The following IL19 variants were observed in gnomAD, a reference collection of about 807,000 sequenced individuals.
IL19 encodes interleukin 19.
Under a neutral mutation model 19.5 loss-of-function variants are expected in IL19, and 15 were observed. The observed-to-expected ratio is 0.77, with a 90% CI of 0.52 to 1.19. The LOEUF is 1.19. Ranked by LOEUF, IL19 falls within the 50% of genes most tolerant of loss-of-function variation. The pLI, the probability that IL19 is intolerant of heterozygous loss-of-function variation, is 0.00. For missense variants in IL19, 199 were observed against 213.1 expected (o/e 0.93, Z 0.41); for synonymous variants, 78 against 78.3 (o/e 1.00, Z 0.02).
At chr1:206,782,325 A>T (rs1382254885) in intron 1 of IL19, among the ~76,000 whole-genome samples, 1 of 152,100 alleles carries the variant, frequency 6.6e-6, no homozygotes, top group Non-Finnish European at 1.5e-5. Context: ...GTCTGTTGTA[A>T]TATGCCGTTT....
At chr1:206,780,949 G>A (rs1675115136) in intron 1 of IL19, among the ~76,000 whole-genome samples, 1 of 152,296 alleles carries the variant, frequency 6.6e-6, no homozygotes, top group Admixed American at 6.5e-5. Flanking sequence ...GGTACCTTAA[G>A]TTTAGGAATT....
chr1:206,808,680 A>G (rs1262660303), intron 2 of IL19, among the ~76,000 whole-genome samples: 3 of 152,172 alleles, frequency 2.0e-5, no homozygotes, highest in Non-Finnish European at 4.4e-5. Context: ...CACAGAGGGT[A>G]GTGTAGAAAG....
chr1:206,813,563 C>T (rs564395558), intron 2 of IL19, among the ~76,000 whole-genome samples: 1 of 152,324 alleles, frequency 6.6e-6, no homozygotes, highest in South Asian at 2.1e-4. Flanking sequence ...ATGCCTCTTA[C>T]AGATCTGAGT....
intron 1 of IL19, among the ~76,000 whole-genome samples, chr1:206,789,202 C>T (rs569367478): frequency 2.0e-5 from 3 of 152,334 alleles, no homozygotes; most frequent in Admixed American, 6.5e-5. Context: ...GCTTATAGTA[C>T]AGTACGAGAG....
At chr1:206,836,616 C>A (rs757823025) in intron 2 of IL19, 45 bp from the exon 3 acceptor site, 1 of 1,547,510 alleles carries the variant, frequency 6.5e-7, no homozygotes, top group Admixed American at 2.1e-5. Flanking sequence ...TTTTTCATTG[C>A]CCTCCACTCT....
chr1:206,823,429 C>G (rs1230599078), intron 2 of IL19, among the ~76,000 whole-genome samples: 1 of 151,924 alleles, frequency 6.6e-6, no homozygotes, highest in Non-Finnish European at 1.5e-5. Context: ...GTGGCGTGCG[C>G]CTGCAGTCCC....
intron 1 of IL19, among the ~76,000 whole-genome samples, chr1:206,797,455 G>A (rs1675552519): frequency 6.6e-6 from 1 of 151,950 alleles, no homozygotes; most frequent in African/African-American, 2.4e-5. Flanking sequence ...AGGTATTCTT[G>A]CAAATGTCTC....
At chr1:206,799,567 G>T (rs1047465469) in intron 2 of IL19, among the ~76,000 whole-genome samples, 1 of 152,214 alleles carries the variant, frequency 6.6e-6, no homozygotes, top group Non-Finnish European at 1.5e-5. Context: ...TCTCTGAGCA[G>T]TTTGCAGAGG....
chr1:206,806,216 G>A (rs1006930447), intron 2 of IL19, among the ~76,000 whole-genome samples: 4 of 152,154 alleles, frequency 2.6e-5, no homozygotes, highest in Admixed American at 1.3e-4. Context: ...GGGATGAGAG[G>A]ATGGGTCAGC....
chr1:206,805,690 A>C (rs747928742), intron 2 of IL19, among the ~76,000 whole-genome samples: 5 of 152,268 alleles, frequency 3.3e-5, no homozygotes, highest in Non-Finnish European at 7.3e-5. Flanking sequence ...AGTAAACGTG[A>C]AATACAGATA....
intron 2 of IL19, among the ~76,000 whole-genome samples, chr1:206,815,722 T>C (rs12046559): frequency 0.16 from 24,434 of 151,900 alleles, 2,436 homozygotes; most frequent in East Asian, 0.48. Context: ...AGCAACTATA[T>C]AAAAGAGACA....
At chr1:206,811,011 T>A (rs1241147241) in intron 2 of IL19, among the ~76,000 whole-genome samples, 1 of 152,194 alleles carries the variant, frequency 6.6e-6, no homozygotes, top group Non-Finnish European at 1.5e-5. Context: ...GTGCAATGCT[T>A]CTTGCACAGT....
At chr1:206,833,612 T>TA in intron 2 of IL19, 1 of 955,922 alleles carries the variant, frequency 1.0e-6, no homozygotes, top group Non-Finnish European at 1.2e-6. Flanking sequence ...GTAAAGAGTT[T>TA]ATGTAAAAAG....
At chr1:206,834,483 C>A in intron 2 of IL19, 1 of 975,348 alleles carries the variant, frequency 1.0e-6, no homozygotes, top group Non-Finnish European at 1.2e-6. Context: ...GGGAGGTGAC[C>A]TGTTACCATT....
At chr1:206,822,986 G>A (rs1371171151) in intron 2 of IL19, among the ~76,000 whole-genome samples, 1 of 151,970 alleles carries the variant, frequency 6.6e-6, no homozygotes, top group African/African-American at 2.4e-5. Context: ...CTGGAGTATA[G>A]TGGTGTGATC....
At chr1:206,830,795 TC>T (rs1390102972) in intron 2 of IL19, among the ~76,000 whole-genome samples, 3 of 152,214 alleles carry the variant, frequency 2.0e-5, no homozygotes, top group African/African-American at 4.8e-5. Flanking sequence ...GCTAGGATGG[TC>T]TCGATCTCCT....
rs115069883 is a variant in IL19 at position 206,800,987 on chromosome 1, C to T, written c.-3+1981C>T. Among the ~76,000 whole-genome samples the T allele has an allele frequency of 7.7e-3, 1,171 of 152,306 alleles. 15 individuals carry two copies. The highest frequency in any genetic ancestry group is 0.012 in the Non-Finnish European group (813 of 68,030). The stretch of plus-strand genomic sequence containing the variant: ...ATTACTCCTGCCTGTGGTCGTTGAC[C>T]TCTGGCTTATGGAGCGAGATGGCTG... On this transcript the variant is annotated intron_variant, in intron 2 of 6. Transcript: ENST00000659997.
At chr1:206,819,665 A>G (rs1227647174) in intron 2 of IL19, among the ~76,000 whole-genome samples, 1 of 152,136 alleles carries the variant, frequency 6.6e-6, no homozygotes, top group South Asian at 2.1e-4. Context: ...AGAGGCCAAC[A>G]TATTGGAGAG....
At chr1:206,790,958 C>T (rs533012438) in intron 1 of IL19, among the ~76,000 whole-genome samples, 11 of 152,138 alleles carry the variant, frequency 7.2e-5, no homozygotes, top group Admixed American at 6.5e-4. Flanking sequence ...TGATATCTTT[C>T]TTCATTCTTT....
Sources: allele counts gnomAD v4.1 joint callset (sites outside exome capture counted in the v4.1 genomes callset), GRCh38; gene constraint gnomAD v4.1.1; transcripts MANE v1.5; gene names NCBI Gene and HGNC (gene_info 2026-07-23, HGNC 2026-07-21).